The following PARD3B variants were observed in gnomAD, a reference collection of about 807,000 sequenced individuals.
PARD3B encodes the protein partitioning defective 3 homolog B.
PARD3B carries 103 observed loss-of-function variants against 130.2 expected under a neutral mutation model. That is an observed-to-expected ratio of 0.79 (90% CI 0.67 to 0.93). The LOEUF (loss-of-function observed/expected upper bound fraction) is 0.93. PARD3B is among the 40% of genes least tolerant of loss of function. The pLI is 0.00. For synonymous variants in PARD3B, 583 were observed against 553.2 expected (o/e 1.05, Z -0.76); for missense variants, 1,609 against 1,499.2 (o/e 1.07, Z -1.21).
chr2:205,078,811 A>G lies in PARD3B; in HGVS notation c.505-25615A>G, dbSNP rs1182607353. Among the ~76,000 whole-genome samples the G allele has an allele frequency of 6.6e-6, 1 of 152,236 alleles. No individual in the cohort carries two copies. Among genetic ancestry groups the G allele is most frequent in the African/African-American group, 2.4e-5 (1 of 41,472 alleles). On this transcript the variant is annotated intron_variant, in intron 4 of 22. Coordinates refer to ENST00000406610, the MANE Select transcript of PARD3B (RefSeq NM_001302769.2). The surrounding 1 kb of genome is among the most constrained non-coding windows in gnomAD (Gnocchi z 4.0). ...GGGCATTTGCTCTGGGACAAGCCAG[A>G]TGCCATGTAAGAAAGTCCATTTCTC...
chr2:204,651,984 A>G (rs891404572), intron 1 of PARD3B, among the ~76,000 whole-genome samples: 1 of 152,156 alleles, frequency 6.6e-6, no homozygotes, highest in Non-Finnish European at 1.5e-5. Flanking sequence ...CCAAGGCAGC[A>G]CAGAACATCT....
At chr2:205,416,141 TC>T (rs1450682737) in intron 19 of PARD3B, among the ~76,000 whole-genome samples, 1 of 152,070 alleles carries the variant, frequency 6.6e-6, no homozygotes, top group Non-Finnish European at 1.5e-5. Flanking sequence ...AGGGCATGCT[TC>T]TGGTATGAAG....
chr2:204,892,819 G>A (rs1349499627), intron 2 of PARD3B, among the ~76,000 whole-genome samples: 4 of 152,184 alleles, frequency 2.6e-5, no homozygotes, highest in Admixed American at 2.6e-4. Context: ...CTTGAGATGA[G>A]AAAGACTGGT....
chr2:205,077,069 C>A (rs1686643918), intron 4 of PARD3B, among the ~76,000 whole-genome samples: 1 of 152,112 alleles, frequency 6.6e-6, no homozygotes, highest in Non-Finnish European at 1.5e-5. Flanking sequence ...GAATCCGGTC[C>A]ACCAATCACA....
intron 2 of PARD3B, among the ~76,000 whole-genome samples, chr2:204,783,200 C>T (rs2041898933): frequency 6.6e-6 from 1 of 152,066 alleles, no homozygotes; most frequent in African/African-American, 2.4e-5. Context: ...ATGGTTGTGA[C>T]GTTATAGAAT....
At chr2:204,893,329 A>G (rs1411665252) in intron 2 of PARD3B, among the ~76,000 whole-genome samples, 2 of 152,204 alleles carry the variant, frequency 1.3e-5, no homozygotes, top group Non-Finnish European at 2.9e-5. Flanking sequence ...GAGTGGAGCC[A>G]GTGCTTTTAA....
At chr2:205,173,142 T>C (rs938942473) in intron 12 of PARD3B, among the ~76,000 whole-genome samples, 2 of 152,184 alleles carry the variant, frequency 1.3e-5, no homozygotes, top group Non-Finnish European at 2.9e-5. Context: ...CATTTTGTCA[T>C]ATCAGGATAT....
chr2:205,447,571 G>T (rs765389126), intron 20 of PARD3B, among the ~76,000 whole-genome samples: 9 of 152,158 alleles, frequency 5.9e-5, no homozygotes, highest in Non-Finnish European at 1.3e-4. Flanking sequence ...TAGAGACGGG[G>T]TTTCACCATT....
At chr2:205,432,934 A>G (rs182782355) in intron 19 of PARD3B, among the ~76,000 whole-genome samples, 69 of 152,310 alleles carry the variant, frequency 4.5e-4, no homozygotes, top group Admixed American at 1.5e-3. Context: ...ATTGATTCAT[A>G]AATACCTCCT....
intron 18 of PARD3B, among the ~76,000 whole-genome samples, chr2:205,328,055 A>G (rs528371531): frequency 2.6e-5 from 4 of 152,326 alleles, no homozygotes; most frequent in African/African-American, 9.6e-5. Context: ...AGAAAAAGCT[A>G]TTATAACAAA....
intron 2 of PARD3B, among the ~76,000 whole-genome samples, chr2:204,744,891 A>C (rs1283575292): frequency 6.6e-6 from 1 of 152,160 alleles, no homozygotes; most frequent in African/African-American, 2.4e-5. Flanking sequence ...CCTCCAGTAA[A>C]AGCAAGTGAT....
intron 16 of PARD3B, among the ~76,000 whole-genome samples, chr2:205,278,867 C>T (rs915249047): frequency 7.2e-5 from 11 of 151,834 alleles, no homozygotes; most frequent in Admixed American, 2.0e-4. Context: ...ATCAGGAGTT[C>T]GAGACCAGGT....
At chr2:205,615,401 CA>C (rs1342163336) in intron 22 of PARD3B, 54 bp from the exon 23 acceptor site, 1 of 1,462,386 alleles carries the variant, frequency 6.8e-7, no homozygotes, top group Non-Finnish European at 9.3e-7. Flanking sequence ...ACATGTTCTC[CA>C]GCCGGACGGC....
chr2:204,747,283 G>C (rs981135199), intron 2 of PARD3B, among the ~76,000 whole-genome samples: 2 of 152,082 alleles, frequency 1.3e-5, no homozygotes, highest in Non-Finnish European at 2.9e-5. Context: ...AGATCAGATG[G>C]TTGTAGATGT....
intron 3 of PARD3B, among the ~76,000 whole-genome samples, chr2:204,984,203 A>G (rs1388824733): frequency 1.3e-5 from 2 of 152,070 alleles, no homozygotes; most frequent in Non-Finnish European, 2.9e-5. Context: ...TAAAATATAC[A>G]TTTCTCTTTA....
intron 4 of PARD3B, among the ~76,000 whole-genome samples, chr2:205,072,489 G>C (rs1700801955): frequency 6.6e-6 from 1 of 152,038 alleles, no homozygotes; most frequent in Admixed American, 6.6e-5. Context: ...GACCTTGGGT[G>C]ATCTACCCAC....
intron 1 of PARD3B, among the ~76,000 whole-genome samples, chr2:204,670,346 T>C (rs1015506333): frequency 6.6e-6 from 1 of 152,150 alleles, no homozygotes; most frequent in Non-Finnish European, 1.5e-5. Flanking sequence ...TGGGTCACAG[T>C]TTGCCAATTC....
At chr2:204,649,837 T>G (rs2035415940) in intron 1 of PARD3B, among the ~76,000 whole-genome samples, 1 of 152,132 alleles carries the variant, frequency 6.6e-6, no homozygotes. Flanking sequence ...GCAATACTGC[T>G]CTGGACTTAG....
chr2:204,994,886 G>A (rs1010010670), intron 3 of PARD3B, among the ~76,000 whole-genome samples: 3 of 151,710 alleles, frequency 2.0e-5, no homozygotes, highest in African/African-American at 4.9e-5. Flanking sequence ...TGTTTAATCC[G>A]AGACTAGGAT....
Sources: allele counts gnomAD v4.1 joint callset (sites outside exome capture counted in the v4.1 genomes callset), GRCh38; gene constraint gnomAD v4.1.1; non-coding constraint Gnocchi (gnomAD v3.1); transcripts MANE v1.5; gene names NCBI Gene and HGNC (gene_info 2026-07-23, HGNC 2026-07-21).